Variants in FGD4 observed in about 807,000 individuals in gnomAD.
The protein encoded by FGD4 is FYVE, RhoGEF and PH domain containing 4.
FGD4 carries 42 observed loss-of-function variants against 102.0 expected under a neutral mutation model. The ratio of observed to expected loss-of-function variants is 0.41; its 90% CI spans 0.32 to 0.53. The LOEUF (loss-of-function observed/expected upper bound fraction) is 0.53, where lower values mean the gene tolerates loss of function less well. FGD4 is among the 20% of genes least tolerant of loss of function. FGD4 has a pLI of 0.21. For synonymous variants in FGD4, 380 were observed against 375.7 expected (o/e 1.01, Z -0.13); for missense variants, 902 against 1,078.2 (o/e 0.84, Z 2.29).
At chr12:32,632,379 C>T (rs960964556) in intron 14 of FGD4, among the ~76,000 whole-genome samples, 1 of 152,196 alleles carries the variant, frequency 6.6e-6, no homozygotes, top group Non-Finnish European at 1.5e-5. Flanking sequence ...ACACAGAGAA[C>T]ACTGACAGTA....
intron 1 of FGD4, among the ~76,000 whole-genome samples, chr12:32,447,556 A>G (rs1279829009): frequency 2.6e-5 from 4 of 152,234 alleles, no homozygotes. Context: ...ATCATGTTGT[A>G]TTAAATGAGA....
intron 1 of FGD4, among the ~76,000 whole-genome samples, chr12:32,451,065 G>C (rs1333001652): frequency 3.9e-5 from 6 of 152,210 alleles, no homozygotes; most frequent in Non-Finnish European, 5.9e-5. Context: ...ACAAGGACTA[G>C]ACTTCGCTTA....
chr12:32,569,375 A>G (rs1161095738), intron 2 of FGD4, among the ~76,000 whole-genome samples: 1 of 152,170 alleles, frequency 6.6e-6, no homozygotes, highest in Non-Finnish European at 1.5e-5. Flanking sequence ...TAAGTGGTCC[A>G]GAGTCTACTT....
intron 1 of FGD4, among the ~76,000 whole-genome samples, chr12:32,510,895 C>T (rs187095049): frequency 2.2e-4 from 33 of 152,214 alleles, no homozygotes; most frequent in African/African-American, 7.7e-4. Flanking sequence ...TTTTAAAGTG[C>T]TTAAGTGTTA....
rs1275380016 is a variant in FGD4, at chr12:32,632,705, A to ATTT, written c.2173-843_2173-841dup. ...TATTTTTATTTTTATTTATTTATTT[A>ATTT]TTTATTTATTTTTTTTTTTTGAGAC... On this transcript the variant is annotated intron_variant, in intron 14 of 16. Transcript: ENST00000534526. 9.0e-3 allele frequency among the ~76,000 whole-genome samples: 1,125 copies of ATTT among 124,526 alleles called. 19 individuals carry two copies. The highest frequency in any genetic ancestry group is 0.034 in the African/African-American group (1,067 of 31,064). The allele number at this position is 124,526 out of a possible 152,430, so 81.7% of individuals were successfully genotyped here. A position where few individuals can be genotyped will look rare whatever the true frequency, so the allele number is the denominator to read the frequency against.
chr12:32,577,624 C>A (rs7961549), intron 3 of FGD4, among the ~76,000 whole-genome samples: 35,988 of 152,180 alleles, frequency 0.24, 5,016 homozygotes, highest in African/African-American at 0.38. Flanking sequence ...ATTCCTGATA[C>A]ATTGTAGGAA....
intron 10 of FGD4, among the ~76,000 whole-genome samples, chr12:32,612,224 C>A (rs73083465): frequency 0.1 from 15,916 of 152,304 alleles, 889 homozygotes; most frequent in Middle Eastern, 0.2. Flanking sequence ...CACAGCTTTG[C>A]AGGGAGCCGG....
intron 8 of FGD4, among the ~76,000 whole-genome samples, chr12:32,608,843 G>A (rs1435479784): frequency 6.6e-6 from 1 of 152,168 alleles, no homozygotes; most frequent in Non-Finnish European, 1.5e-5. Flanking sequence ...GAACCTGGAT[G>A]AGAGACGAAG....
intron 8 of FGD4, 146 bp from the exon 9 acceptor site, chr12:32,610,628 GAA>G: frequency 1.5e-6 from 1 of 673,190 alleles, no homozygotes; most frequent in Non-Finnish European, 2.5e-6. Context: ...ATGAACTTTA[GAA>G]AGTATATACC....
intron 1 of FGD4, among the ~76,000 whole-genome samples, chr12:32,453,119 C>G (rs987519776): frequency 2.1e-4 from 31 of 147,164 alleles, no homozygotes; most frequent in African/African-American, 7.8e-4. Flanking sequence ...ATTAACACAT[C>G]CAAATAGTTT....
chr12:32,452,462 A>G (rs1213003999), intron 1 of FGD4, among the ~76,000 whole-genome samples: 1 of 152,280 alleles, frequency 6.6e-6, no homozygotes, highest in African/African-American at 2.4e-5. Flanking sequence ...GTAGACAAGT[A>G]GGAAGCTACT....
intron 1 of FGD4, among the ~76,000 whole-genome samples, chr12:32,474,415 C>T (rs988446583): frequency 2.0e-5 from 3 of 152,004 alleles, no homozygotes; most frequent in Non-Finnish European, 4.4e-5. Context: ...TTTGGCTGTA[C>T]GAAAGAATAA....
At position 32,556,540 on chromosome 12, in the gene FGD4, G is replaced by T. The variant is rs9795567; in HGVS notation, c.167-7597G>T. Among the ~76,000 whole-genome samples, 574 of 152,102 alleles carry T rather than the reference G, an allele frequency of 3.8e-3. 5 individuals are homozygous for T. The highest frequency in any genetic ancestry group is 5.7e-3 in the Non-Finnish European group (387 of 68,000). ...CACTTAGCATTATGTATGTCCTCAAGATTCATCCATGCTGTAGCATATGAT... is the reference window on the plus strand; with the variant it reads ...CACTTAGCATTATGTATGTCCTCAATATTCATCCATGCTGTAGCATATGAT... On this transcript the variant is annotated intron_variant, in intron 1 of 16. Coordinates refer to ENST00000534526, the MANE Select transcript of FGD4 (RefSeq NM_001370298.3).
At chr12:32,533,971 T>C (rs1174491761) in intron 1 of FGD4, among the ~76,000 whole-genome samples, 1 of 152,206 alleles carries the variant, frequency 6.6e-6, no homozygotes, top group African/African-American at 2.4e-5. Context: ...CAAAATGAGA[T>C]TTTAACATCT....
In FGD4 at chr12:32,620,693, A is replaced by ATT. The variant is rs1208809588; in HGVS notation, c.1922+844_1922+845dup. Reference sequence around the variant, plus strand: ...AGGCGCCTGCCACCACACCTGGCTAATTTTTTTTTTTTTTTTTTTTTTGAG... The same window carrying ATT: ...AGGCGCCTGCCACCACACCTGGCTAATTTTTTTTTTTTTTTTTTTTTTTTGAG... On this transcript the variant is annotated intron_variant, in intron 11 of 16. Coordinates refer to ENST00000534526, the MANE Select transcript of FGD4 (RefSeq NM_001370298.3). Among the ~76,000 whole-genome samples the ATT allele has an allele frequency of 3.9e-3, 382 of 97,026 alleles. 10 individuals are homozygous for ATT. The highest frequency in any genetic ancestry group is 0.013 in the African/African-American group (290 of 21,574). 63.7% of individuals were successfully genotyped at this position (97,026 alleles called of 152,430 possible). A position where few individuals can be genotyped will look rare whatever the true frequency, so the allele number is the denominator to read the frequency against.
At chr12:32,490,389 T>A (rs1422681180) in intron 1 of FGD4, among the ~76,000 whole-genome samples, 1 of 147,854 alleles carries the variant, frequency 6.8e-6, no homozygotes, top group African/African-American at 2.5e-5. Context: ...GAAAAGAGAT[T>A]TTTATCAGTC....
At chr12:32,436,338 C>G (rs1942227398) in intron 1 of FGD4, among the ~76,000 whole-genome samples, 1 of 152,196 alleles carries the variant, frequency 6.6e-6, no homozygotes, top group African/African-American at 2.4e-5. Context: ...ACACCTGTAT[C>G]TTTTCCTAAG....
At chr12:32,624,908 G>C in intron 12 of FGD4, 68 bp from the exon 13 acceptor site, 1 of 1,305,516 alleles carries the variant, frequency 7.7e-7, no homozygotes, top group South Asian at 1.2e-5. Flanking sequence ...ATATTTGTTT[G>C]ATAAAGTATA....
chr12:32,624,567 C>A, intron 12 of FGD4, 115 bp downstream of exon 12: 1 of 878,188 alleles, frequency 1.1e-6, no homozygotes, highest in Non-Finnish European at 1.8e-6. Context: ...TCTGTCTGGG[C>A]TCAAGCAAGC....
Sources: gnomAD v4.1 joint callset for allele counts (sites outside exome capture counted in the v4.1 genomes callset) on GRCh38, gnomAD v4.1.1 for gene constraint, MANE v1.5 for transcripts, NCBI Gene and HGNC (gene_info 2026-07-23, HGNC 2026-07-21) for gene names.